PTPRK: variants seen among roughly 807,000 people sequenced by gnomAD.
The protein encoded by PTPRK is protein tyrosine phosphatase receptor type K.
A neutral mutation model predicts 178.0 loss-of-function variants in PTPRK; 75 were observed. That is an observed-to-expected ratio of 0.42 (90% CI 0.35 to 0.51). The LOEUF is 0.51. PTPRK is among the 20% of genes least tolerant of loss of function. The pLI, the probability that PTPRK is intolerant of heterozygous loss-of-function variation, is 0.02. For missense variants in PTPRK, 1,441 were observed against 1,797.8 expected, an observed-to-expected ratio of 0.80 and a Z score of 3.59; for synonymous variants, 637 against 620.6, an observed-to-expected ratio of 1.03 and a Z score of -0.39.
At chr6:128,012,441 T>C (rs1354163739) in intron 13 of PTPRK, among the ~76,000 whole-genome samples, 1 of 151,332 alleles carries the variant, frequency 6.6e-6, no homozygotes, top group Admixed American at 6.6e-5. Context: ...GTTCTGTTTA[T>C]AATTTCTGCA....
intron 2 of PTPRK, among the ~76,000 whole-genome samples, chr6:128,357,640 T>C (rs376584905): frequency 2.0e-5 from 3 of 152,220 alleles, no homozygotes; most frequent in African/African-American, 4.8e-5. Context: ...AGTTGGCTCT[T>C]TGTAGCCAGA....
intron 2 of PTPRK, among the ~76,000 whole-genome samples, chr6:128,334,887 A>C (rs1830711297): frequency 6.6e-6 from 1 of 152,190 alleles, no homozygotes; most frequent in South Asian, 2.1e-4. Flanking sequence ...CAGGAGTTCA[A>C]GACCAGCCTG....
intron 19 of PTPRK, 151 bp from the exon 20 acceptor site, chr6:127,991,542 C>A (rs1776606523): frequency 1.2e-5 from 5 of 434,298 alleles, no homozygotes; most frequent in African/African-American, 2.1e-5. Context: ...CAGTTCATAT[C>A]TAAATTCCCA....
At chr6:127,991,454 A>G in intron 19 of PTPRK, 63 bp from the exon 20 acceptor site, 1 of 1,280,120 alleles carries the variant, frequency 7.8e-7, no homozygotes, top group Non-Finnish European at 1.1e-6. Context: ...TAAGAAGTTT[A>G]GCTAAGATAA....
At chr6:128,027,925 T>C (rs1774609010) in intron 13 of PTPRK, 1 of 152,144 alleles carries the variant, frequency 6.6e-6, no homozygotes, top group Non-Finnish European at 1.5e-5. Context: ...CACTGACAGG[T>C]TGGTATCACC....
At chr6:128,131,339 G>A (rs1469723505) in intron 7 of PTPRK, among the ~76,000 whole-genome samples, 2 of 152,108 alleles carry the variant, frequency 1.3e-5, no homozygotes, top group Non-Finnish European at 1.5e-5. Context: ...TTCCAGGAGC[G>A]GGGAGGGCTA....
rs143910428 is a variant in PTPRK at position 128,291,413 on chromosome 6, T to C, written c.495+30626A>G. Among the ~76,000 whole-genome samples, 134 of 152,248 alleles carry C rather than the reference T, an allele frequency of 8.8e-4. 2 individuals carry two copies. The highest frequency in any genetic ancestry group is 7.4e-5 in the Non-Finnish European group (5 of 67,994). ...TGACCTAGAACTGTAAGATTATAAA[T>C]GTAATTTTAAGCCACTAAGTTTTTG... On this transcript the variant is annotated intron_variant, in intron 3 of 29. Transcript: ENST00000368226.
intron 13 of PTPRK, among the ~76,000 whole-genome samples, chr6:128,044,717 A>C (rs1001027086): frequency 2.0e-5 from 3 of 151,966 alleles, no homozygotes; most frequent in African/African-American, 7.2e-5. Flanking sequence ...AATCCTTTCA[A>C]AATTAGTTTT....
chr6:128,238,401 A>T (rs1813751849), intron 5 of PTPRK, among the ~76,000 whole-genome samples: 1 of 152,104 alleles, frequency 6.6e-6, no homozygotes, highest in Admixed American at 6.5e-5. Context: ...TCAGACCAGC[A>T]GGGTCCAGAA....
At chr6:128,243,072 T>C (rs1016027408) in intron 3 of PTPRK, among the ~76,000 whole-genome samples, 6 of 152,184 alleles carry the variant, frequency 3.9e-5, no homozygotes, top group African/African-American at 1.4e-4. Flanking sequence ...AGATTATTGA[T>C]GTTCCAGGCC....
intron 6 of PTPRK, among the ~76,000 whole-genome samples, chr6:128,214,872 C>T (rs1808959872): frequency 6.6e-6 from 1 of 152,056 alleles, no homozygotes; most frequent in South Asian, 2.1e-4. Context: ...ATGTTAAACA[C>T]CAACTCTGAA....
At chr6:128,228,268 T>A (rs1811699958) in intron 5 of PTPRK, among the ~76,000 whole-genome samples, 1 of 151,932 alleles carries the variant, frequency 6.6e-6, no homozygotes, top group African/African-American at 2.4e-5. Context: ...TTGAAAGTGA[T>A]CAATGATGAC....
At chr6:128,138,503 T>C (rs1160754746) in intron 7 of PTPRK, among the ~76,000 whole-genome samples, 16 of 152,124 alleles carry the variant, frequency 1.1e-4, no homozygotes, top group Admixed American at 1.0e-3. Context: ...CCTTAAAGAT[T>C]ATTGTCCTAT....
chr6:128,322,667 A>AATATATATATATATATAT (rs10651820), intron 2 of PTPRK, among the ~76,000 whole-genome samples: 30 of 143,718 alleles, frequency 2.1e-4, no homozygotes, highest in Non-Finnish European at 2.7e-4. Flanking sequence ...CTTTTAATAT[A>AATATATATATATATATAT]ATATATATAT....
At chr6:128,038,468 C>T (rs968222182) in intron 13 of PTPRK, among the ~76,000 whole-genome samples, 1 of 152,128 alleles carries the variant, frequency 6.6e-6, no homozygotes, top group African/African-American at 2.4e-5. Flanking sequence ...TTTTGACACA[C>T]TTTACTTTTT....
chr6:128,093,295 G>A (rs542406488), intron 7 of PTPRK, among the ~76,000 whole-genome samples: 1 of 151,962 alleles, frequency 6.6e-6, no homozygotes, highest in African/African-American at 2.4e-5. Flanking sequence ...TCAGAAACTT[G>A]GAAGGAAACA....
chr6:128,267,198 C>G (rs1332480088), intron 3 of PTPRK, among the ~76,000 whole-genome samples: 1 of 151,948 alleles, frequency 6.6e-6, no homozygotes, highest in East Asian at 1.9e-4. Flanking sequence ...ATTTATCTAC[C>G]TGCCATAAAT....
intron 1 of PTPRK, among the ~76,000 whole-genome samples, chr6:128,434,751 G>A (rs572534350): frequency 2.0e-5 from 3 of 152,116 alleles, no homozygotes; most frequent in Non-Finnish European, 2.9e-5. Flanking sequence ...GAATTTAGCT[G>A]GGTACAGTGG....
chr6:128,197,806 G>C (rs1805168350), intron 6 of PTPRK, among the ~76,000 whole-genome samples: 2 of 151,992 alleles, frequency 1.3e-5, no homozygotes, highest in African/African-American at 4.8e-5. Context: ...CACTGCAATG[G>C]TCTGAAAATG....
Sources: gnomAD v4.1 joint callset for allele counts (sites outside exome capture counted in the v4.1 genomes callset) on GRCh38, gnomAD v4.1.1 for gene constraint, MANE v1.5 for transcripts, NCBI Gene and HGNC (gene_info 2026-07-23, HGNC 2026-07-21) for gene names.